ESR1: variants seen among roughly 807,000 people sequenced by gnomAD.
The protein encoded by ESR1 is estrogen receptor 1, also known as estrogen receptor.
In ESR1, 12 loss-of-function variants were observed where a neutral mutation model predicts 52.7. The observed-to-expected ratio is 0.23, with a 90% confidence interval of 0.15 to 0.37. The LOEUF (loss-of-function observed/expected upper bound fraction) is 0.37, where lower values mean the gene tolerates loss of function less well. Ranked by LOEUF, ESR1 falls within the 10% of genes least tolerant of loss-of-function variation. ESR1 has a pLI of 1.00. For missense variants in ESR1, 584 were observed against 779.7 expected (o/e 0.75, Z 2.99); for synonymous variants, 305 against 316.8 (o/e 0.96, Z 0.39).
At chr6:151,869,803 T>G (rs1790636135) in intron 2 of ESR1, among the ~76,000 whole-genome samples, 1 of 152,228 alleles carries the variant, frequency 6.6e-6, no homozygotes, top group Admixed American at 6.5e-5. Context: ...ATAATATATT[T>G]TTCTTCCTTT....
chr6:151,838,827 A>C (rs1783823319), intron 1 of ESR1, among the ~76,000 whole-genome samples: 1 of 152,140 alleles, frequency 6.6e-6, no homozygotes, highest in African/African-American at 2.4e-5. Context: ...TCTATGCCCA[A>C]AGTCTGCAGT....
intron 1 of ESR1, among the ~76,000 whole-genome samples, chr6:151,699,194 A>C (rs906754268): frequency 6.6e-6 from 1 of 152,128 alleles, no homozygotes; most frequent in African/African-American, 2.4e-5. Context: ...AATAGAAGTG[A>C]AATTTGTTGT....
intron 2 of ESR1, among the ~76,000 whole-genome samples, chr6:151,737,149 T>C (rs1255898649): frequency 6.6e-6 from 1 of 152,210 alleles, no homozygotes; most frequent in African/African-American, 2.4e-5. Flanking sequence ...TTCAGCTACA[T>C]AATGTTCTAT....
At chr6:152,093,045 G>A (rs541673492) in intron 6 of ESR1, among the ~76,000 whole-genome samples, 2 of 152,280 alleles carry the variant, frequency 1.3e-5, no homozygotes, top group South Asian at 2.1e-4. Context: ...TTGGGAGGCC[G>A]AGGCAGGTGG....
intron 6 of ESR1, among the ~76,000 whole-genome samples, chr6:152,065,022 C>T (rs1294280337): frequency 6.6e-6 from 1 of 152,202 alleles, no homozygotes; most frequent in Non-Finnish European, 1.5e-5. Flanking sequence ...TAGTCAACAA[C>T]AGCTATCATC....
chr6:151,955,404 C>A (rs190346180), intron 4 of ESR1, among the ~76,000 whole-genome samples: 135 of 151,900 alleles, frequency 8.9e-4, no homozygotes, highest in African/African-American at 3.1e-3. Flanking sequence ...ATACATTTTA[C>A]CAAAATAAAG....
chr6:151,851,291 A>T (rs1465922696), intron 2 of ESR1, among the ~76,000 whole-genome samples: 2 of 152,164 alleles, frequency 1.3e-5, no homozygotes, highest in African/African-American at 4.8e-5. Flanking sequence ...CCTGAAGATA[A>T]TGCAGAAATT....
intron 6 of ESR1, among the ~76,000 whole-genome samples, chr6:152,068,861 T>TGAAACCTAGGGACAACTCCCTAGCA (rs1346879355): frequency 1.3e-4 from 12 of 95,558 alleles, no homozygotes; most frequent in East Asian, 4.7e-4. Context: ...AGGCACTGCC[T>TGAAACCTAGGGACAACTCCCTAGCA]GCATAAAAAT....
intron 6 of ESR1, among the ~76,000 whole-genome samples, chr6:152,086,784 T>C (rs150670670): frequency 3.9e-5 from 6 of 152,218 alleles, no homozygotes; most frequent in African/African-American, 1.4e-4. Context: ...ATCTTCACTG[T>C]CGTCTCTCTT....
Position 152,061,064 on chromosome 6 carries a change from A to G in ESR1, c.1309A>G (p.Met437Val). 6.2e-7 allele frequency: 1 copy of G among 1,613,836 alleles called. No individual in the cohort carries two copies. The highest frequency in any genetic ancestry group is 8.5e-7 in the Non-Finnish European group (1 of 1,179,824). ...GCTGGCTACATCATCTCGGTTCCGC[A>G]TGATGAATCTGCAGGGAGAGGAGTT... is the stretch of plus-strand genomic sequence containing the variant. ...MLLATSSRFR[M>V]MNLQGEEFVC... The change falls in exon 6 of 8, where the codon ATG becomes GTG. Residue 437 changes from methionine to valine, a missense_variant. This residue lies in a region of ESR1 where 141 missense variants were observed against 289.3 expected (regional missense o/e 0.49). Coordinates refer to ENST00000206249, the MANE Select transcript of ESR1 (RefSeq NM_000125.4). The surrounding 1 kb of genome is among the most constrained non-coding windows in gnomAD (Gnocchi z 4.3).
Position 152,098,604 on chromosome 6 carries a change from T to G in ESR1, c.1554-128T>G, listed in dbSNP as rs2050825232. ...CAGCTCCCATCCTAAAGTGGGTCTT[T>G]AAACAGGAAGAAAGAAAGATTGCTA... On this transcript the variant is annotated intron_variant, in intron 7 of 7. Coordinates refer to ENST00000206249, the MANE Select transcript of ESR1 (RefSeq NM_000125.4). The surrounding 1 kb of genome is among the most constrained non-coding windows in gnomAD (Gnocchi z 5.1). 1 of 823,740 alleles carries G rather than the reference T, an allele frequency of 1.2e-6. No individual in the cohort carries two copies. The highest frequency in any genetic ancestry group is 1.4e-5 in the South Asian group (1 of 68,974). 51.0% of individuals were successfully genotyped at this position (823,740 alleles called of 1,614,324 possible). A position where few individuals can be genotyped will look rare whatever the true frequency, so the allele number is the denominator to read the frequency against.
intron 2 of ESR1, among the ~76,000 whole-genome samples, chr6:151,847,184 C>G: frequency 6.6e-6 from 1 of 152,126 alleles, no homozygotes; most frequent in East Asian, 1.9e-4. Flanking sequence ...GCAGTGGGGA[C>G]CTTAGGTCCT....
At chr6:151,902,558 G>A (rs933205546) in intron 3 of ESR1, among the ~76,000 whole-genome samples, 3 of 152,222 alleles carry the variant, frequency 2.0e-5, no homozygotes, top group Non-Finnish European at 4.4e-5. Context: ...ATGTAGCATT[G>A]TGGTTTAAGT....
At position 152,061,394 on chromosome 6, in the gene ESR1, T is replaced by C. The variant is rs1336819225; in HGVS notation, c.1369+270T>C. 6.6e-6 allele frequency among the ~76,000 whole-genome samples: 1 copy of C among 152,230 alleles called. No homozygotes were observed. Among genetic ancestry groups the C allele is most frequent in the Non-Finnish European group, 1.5e-5 (1 of 68,050 alleles). On this transcript the variant is annotated intron_variant, in intron 6 of 7. Coordinates refer to ENST00000206249, the MANE Select transcript of ESR1 (RefSeq NM_000125.4). The surrounding 1 kb of genome is among the most constrained non-coding windows in gnomAD (Gnocchi z 4.3). ...TATGCTTTCACAGATAGGATGTTTTTATTCAAATGGTACATGTATATAGAC... is the reference window on the plus strand; with the variant it reads ...TATGCTTTCACAGATAGGATGTTTTCATTCAAATGGTACATGTATATAGAC...
chr6:152,120,724 T>A (rs1010431969), intron 6 of ESR1, among the ~76,000 whole-genome samples: 3 of 152,044 alleles, frequency 2.0e-5, no homozygotes, highest in African/African-American at 7.2e-5. Flanking sequence ...CCAGGCCCCA[T>A]CCCAGAGGTT....
At chr6:151,866,490 C>A (rs1034193757) in intron 2 of ESR1, among the ~76,000 whole-genome samples, 2 of 152,134 alleles carry the variant, frequency 1.3e-5, no homozygotes, top group Non-Finnish European at 2.9e-5. Flanking sequence ...CCCCCACCCC[C>A]TGACAGGCCC....
chr6:152,122,406 C>T (rs773506798), intron 6 of ESR1: 1 of 1,613,922 alleles, frequency 6.2e-7, no homozygotes, highest in Admixed American at 1.7e-5. Context: ...CTTATGCTAC[C>T]AGCACTTCTG....
chr6:151,766,439 C>A (rs117270116), intron 2 of ESR1, among the ~76,000 whole-genome samples: 2,872 of 152,092 alleles, frequency 0.019, 34 homozygotes, highest in East Asian at 0.03. Flanking sequence ...CAAGATTGCA[C>A]CACTGCACTC....
At chr6:151,693,448 A>G (rs1373475181) in intron 1 of ESR1, among the ~76,000 whole-genome samples, 1 of 135,286 alleles carries the variant, frequency 7.4e-6, no homozygotes, top group Non-Finnish European at 1.6e-5. Flanking sequence ...TCATTCTTCC[A>G]TCATTCCTCT....
Sources: gnomAD v4.1 joint callset for allele counts (sites outside exome capture counted in the v4.1 genomes callset) on GRCh38, gnomAD v4.1.1 for gene constraint, gnomAD v4.1.1 regional missense constraint, Gnocchi (gnomAD v3.1) non-coding constraint, MANE v1.5 for transcripts, NCBI Gene and HGNC (gene_info 2026-07-23, HGNC 2026-07-21) for gene names.